Variants in TMEM131L observed in about 807,000 individuals in gnomAD.
The protein encoded by TMEM131L is transmembrane protein 131-like.
Under a neutral mutation model 192.2 loss-of-function variants are expected in TMEM131L, and 54 were observed. The observed-to-expected ratio is 0.28, with a 90% CI of 0.23 to 0.35. TMEM131L has a LOEUF of 0.35. Ranked by LOEUF, TMEM131L falls within the 10% of genes least tolerant of loss-of-function variation. The pLI is 1.00. For missense variants in TMEM131L, 1,888 were observed against 1,972.9 expected (o/e 0.96, Z 0.82); for synonymous variants, 701 against 704.9 (o/e 0.99, Z 0.09).
chr4:153,551,947 A>G (rs1382959657), intron 4 of TMEM131L, among the ~76,000 whole-genome samples: 2 of 151,854 alleles, frequency 1.3e-5, no homozygotes, highest in Admixed American at 1.3e-4. Context: ...GGTGGCTCAC[A>G]CCTGTAATCC....
chr4:153,520,102 G>T (rs546630423), intron 3 of TMEM131L, among the ~76,000 whole-genome samples: 10 of 152,166 alleles, frequency 6.6e-5, no homozygotes, highest in African/African-American at 2.2e-4. Flanking sequence ...GAACAAACAC[G>T]GTCCATCTTT....
At chr4:153,621,648 A>G in intron 27 of TMEM131L, 35 bp from the exon 28 acceptor site, 1 of 1,608,460 alleles carries the variant, frequency 6.2e-7, no homozygotes. Context: ...GATAAAATAC[A>G]GATGTGTTTT....
chr4:153,525,133 C>A (rs779542425), intron 3 of TMEM131L, among the ~76,000 whole-genome samples: 1 of 152,148 alleles, frequency 6.6e-6, no homozygotes, highest in Non-Finnish European at 1.5e-5. Context: ...TGGGTTGATG[C>A]GACTTGATAC....
At chr4:153,598,358 T>G (rs1486001307) in intron 20 of TMEM131L, among the ~76,000 whole-genome samples, 1 of 152,238 alleles carries the variant, frequency 6.6e-6, no homozygotes, top group South Asian at 2.1e-4. Context: ...TTACATGTTC[T>G]TGCTGCAGTC....
intron 8 of TMEM131L, 76 bp from the exon 9 acceptor site, chr4:153,581,331 C>T (rs1730323797): frequency 2.5e-6 from 3 of 1,206,124 alleles, no homozygotes; most frequent in Middle Eastern, 4.0e-4. Flanking sequence ...AAATGCTTCT[C>T]CTTTCCTCCA....
intron 7 of TMEM131L, among the ~76,000 whole-genome samples, chr4:153,569,681 C>T (rs190504432): frequency 6.6e-6 from 1 of 152,246 alleles, no homozygotes; most frequent in Non-Finnish European, 1.5e-5. Flanking sequence ...GTTACCTAAT[C>T]TCCCTGTGTC....
intron 26 of TMEM131L, among the ~76,000 whole-genome samples, chr4:153,617,914 C>G (rs983410928): frequency 5.9e-5 from 8 of 134,830 alleles, no homozygotes; most frequent in African/African-American, 2.1e-4. Context: ...TATTTCATGT[C>G]CTTTGCCCAT....
chr4:153,550,194 T>G, intron 4 of TMEM131L, 53 bp downstream of exon 4: 1 of 768,340 alleles, frequency 1.3e-6, no homozygotes, highest in East Asian at 3.0e-5. Context: ...CTATTTATTT[T>G]CAGAATTTTT....
intron 3 of TMEM131L, among the ~76,000 whole-genome samples, chr4:153,511,736 G>T (rs535221718): frequency 1.8e-4 from 27 of 152,234 alleles, no homozygotes; most frequent in African/African-American, 6.5e-4. Context: ...AATAGATTTT[G>T]TGCTGAATCT....
chr4:153,490,785 C>G (rs1262593142), intron 3 of TMEM131L, among the ~76,000 whole-genome samples: 1 of 151,852 alleles, frequency 6.6e-6, no homozygotes, highest in Non-Finnish European at 1.5e-5. Context: ...GAAACCCCAT[C>G]TCTACTAAAA....
chr4:153,512,727 C>A (rs1476043412), intron 3 of TMEM131L, among the ~76,000 whole-genome samples: 1 of 152,150 alleles, frequency 6.6e-6, no homozygotes, highest in African/African-American at 2.4e-5. Context: ...GATTCTCCTG[C>A]CTCAGTCTCC....
At chr4:153,607,604 G>C (rs1222184755) in intron 25 of TMEM131L, among the ~76,000 whole-genome samples, 5 of 152,214 alleles carry the variant, frequency 3.3e-5, no homozygotes, top group African/African-American at 1.2e-4. Context: ...TGCCTTTAAA[G>C]GGAAAAAGGG....
chr4:153,604,567 C>A, intron 25 of TMEM131L, 137 bp downstream of exon 25: 1 of 912,632 alleles, frequency 1.1e-6, no homozygotes, highest in South Asian at 1.9e-5. Context: ...TGAAAAAAGA[C>A]AAAATGAAAA....
At chr4:153,573,399 A>G (rs565093489) in intron 7 of TMEM131L, among the ~76,000 whole-genome samples, 10 of 152,254 alleles carry the variant, frequency 6.6e-5, no homozygotes, top group Non-Finnish European at 1.3e-4. Context: ...TGCAGGGCCT[A>G]CTTGTCATTT....
chr4:153,565,433 T>G (rs1334360964), intron 7 of TMEM131L, among the ~76,000 whole-genome samples: 2 of 152,218 alleles, frequency 1.3e-5, no homozygotes, highest in East Asian at 3.8e-4. Flanking sequence ...TTTTAGAAAT[T>G]ATAGAATGGA....
intron 9 of TMEM131L, among the ~76,000 whole-genome samples, chr4:153,581,761 A>G (rs887005762): frequency 1.3e-5 from 2 of 150,642 alleles, no homozygotes; most frequent in African/African-American, 5.0e-5. Flanking sequence ...GACAACTGCA[A>G]ACTATTCTGA....
At chr4:153,526,279 C>T (rs191100984) in intron 3 of TMEM131L, among the ~76,000 whole-genome samples, 24 of 152,316 alleles carry the variant, frequency 1.6e-4, no homozygotes, top group Admixed American at 3.3e-4. Context: ...TCCTCTCATC[C>T]ACAGGCCTCT....
Position 153,627,681 on chromosome 4 carries a change from G to A in TMEM131L, c.4201G>A (p.Asp1401Asn), listed in dbSNP as rs2126839072. ...TGCCGGGCCCACAGGTGTTGAAGAA[G>A]ATAAAGGTGAGATGCATTCGTCTTG... The part of the protein sequence containing the change: ...LPAGPTGVEE[D>N]KGLYSPGDLW... The change falls in exon 31 of 35, where the codon GAT becomes AAT. Residue 1401 changes from aspartate to asparagine, a missense_variant. Asp to Asn is a conservative substitution (Grantham distance 23, BLOSUM62 1). Coordinates refer to ENST00000409959, the MANE Select transcript of TMEM131L (RefSeq NM_001131007.2). The A allele has an allele frequency of 6.2e-7, 1 of 1,612,744 alleles. No individual in the cohort carries two copies. The highest frequency in any genetic ancestry group is 1.1e-5 in the South Asian group (1 of 91,048).
At chr4:153,577,972 C>G (rs1730071154) in intron 7 of TMEM131L, among the ~76,000 whole-genome samples, 1 of 152,224 alleles carries the variant, frequency 6.6e-6, no homozygotes, top group South Asian at 2.1e-4. Context: ...ACAAGCTCCC[C>G]TGGGAGAGAG....
Sources: allele counts gnomAD v4.1 joint callset (sites outside exome capture counted in the v4.1 genomes callset), GRCh38; gene constraint gnomAD v4.1.1; transcripts MANE v1.5; gene names NCBI Gene and HGNC (gene_info 2026-07-23, HGNC 2026-07-21).